Variants in AGBL1 observed in about 807,000 individuals in gnomAD.
AGBL1 encodes cytosolic carboxypeptidase 4.
In AGBL1, 130 loss-of-function variants were observed where a neutral mutation model predicts 118.9. That is an observed-to-expected ratio of 1.09 (90% CI 0.95 to 1.26). The LOEUF is 1.26. AGBL1 is among the 50% of genes most tolerant of loss of function. The pLI is 0.00. For synonymous variants in AGBL1, 555 were observed against 478.9 expected (o/e 1.16, Z -2.08); for missense variants, 1,584 against 1,298.1 (o/e 1.22, Z -3.38).
intron 22 of AGBL1, among the ~76,000 whole-genome samples, chr15:86,815,775 C>A (rs2078849865): frequency 6.6e-6 from 1 of 152,150 alleles, no homozygotes; most frequent in South Asian, 2.1e-4. Context: ...GTCCTCTCCT[C>A]TTCTACCTCC....
chr15:86,632,951 C>T (rs921497936), intron 21 of AGBL1, among the ~76,000 whole-genome samples: 1 of 152,024 alleles, frequency 6.6e-6, no homozygotes, highest in African/African-American at 2.4e-5. Context: ...AAAAAGCCTA[C>T]AAAAACACAA....
At chr15:86,383,993 G>A (rs1775930585) in intron 17 of AGBL1, among the ~76,000 whole-genome samples, 1 of 152,200 alleles carries the variant, frequency 6.6e-6, no homozygotes, top group Non-Finnish European at 1.5e-5. Flanking sequence ...TCTAAACCTA[G>A]TGAAATGTAA....
chr15:86,267,029 C>T lies in AGBL1; in HGVS notation c.1791C>T (p.Phe597=). The change falls in exon 13 of 23, where the codon TTC becomes TTT. Residue 597 remains phenylalanine, a synonymous_variant. Coordinates refer to ENST00000614907, the MANE Select transcript of AGBL1 (RefSeq NM_001386094.1). The stretch of plus-strand genomic sequence containing the variant: ...ATGCTTCCAATTGTTTACGGTTCTT[C>T]TCCAAATTTGAGTCAGGAAATCTTC... The part of the protein sequence containing the change: ...QDNASNCLRF[F]SKFESGNLRK... 6.4e-7 allele frequency: 1 copy of T among 1,571,498 alleles called. No individual in the cohort carries two copies. Among genetic ancestry groups the T allele is most frequent in the Non-Finnish European group, 8.6e-7 (1 of 1,156,952 alleles).
Position 86,526,573 on chromosome 15 carries a change from T to C in AGBL1, c.2685+3634T>C, listed in dbSNP as rs376211777. On this transcript the variant is annotated intron_variant, in intron 19 of 22. Coordinates refer to ENST00000614907, the MANE Select transcript of AGBL1 (RefSeq NM_001386094.1). ...ATATATATATATATATATATATATA[T>C]ACACACAGAGTATATATATGTATAT... Among the ~76,000 whole-genome samples the C allele has an allele frequency of 3.7e-3, 437 of 117,580 alleles. 3 individuals are homozygous for C. The highest frequency in any genetic ancestry group is 0.011 in the African/African-American group (308 of 28,482). The allele number at this position is 117,580 out of a possible 152,430, so 77.1% of individuals were successfully genotyped here.
At chr15:86,587,764 C>G (rs1567072087) in intron 21 of AGBL1, among the ~76,000 whole-genome samples, 4 of 152,112 alleles carry the variant, frequency 2.6e-5, no homozygotes, top group Non-Finnish European at 5.9e-5. Context: ...AGAAAGTGAC[C>G]AAGACAGGGA....
At chr15:86,684,459 C>G (rs894047586) in intron 22 of AGBL1, among the ~76,000 whole-genome samples, 8 of 43,678 alleles carry the variant, frequency 1.8e-4, no homozygotes, top group Non-Finnish European at 3.1e-4. Context: ...TAGCATAGTT[C>G]TCTCTTTTTT....
At chr15:86,429,067 C>T (rs925035650) in intron 18 of AGBL1, among the ~76,000 whole-genome samples, 26 of 152,196 alleles carry the variant, frequency 1.7e-4, no homozygotes, top group African/African-American at 6.0e-4. Context: ...TAGACAATAT[C>T]CTTTCCCTTC....
chr15:86,204,424 C>G (rs1165388017), intron 5 of AGBL1, among the ~76,000 whole-genome samples: 1 of 152,104 alleles, frequency 6.6e-6, no homozygotes, highest in African/African-American at 2.4e-5. Context: ...GAGCCCCCTA[C>G]CTGTTATCTG....
chr15:86,298,107 T>G (rs1332780861), intron 17 of AGBL1, among the ~76,000 whole-genome samples: 2 of 151,380 alleles, frequency 1.3e-5, no homozygotes, highest in Admixed American at 6.6e-5. Flanking sequence ...GAAAGAAAAT[T>G]CTTTCTGCCT....
At chr15:86,985,872 T>G (rs1356948531) in intron 23 of AGBL1, among the ~76,000 whole-genome samples, 1 of 152,182 alleles carries the variant, frequency 6.6e-6, no homozygotes, top group African/African-American at 2.4e-5. Context: ...GAGTTCGCTT[T>G]TGTATGCAAT....
chr15:86,633,044 C>T (rs913898784), intron 21 of AGBL1, among the ~76,000 whole-genome samples: 6 of 151,708 alleles, frequency 4.0e-5, no homozygotes, highest in South Asian at 2.1e-4. Context: ...AGACATAAGC[C>T]ATTCTTTATA....
intron 5 of AGBL1, among the ~76,000 whole-genome samples, chr15:86,220,418 G>A (rs1189902484): frequency 6.6e-6 from 1 of 152,104 alleles, no homozygotes; most frequent in East Asian, 1.9e-4. Context: ...TTGCTGCTTG[G>A]CATTTATAGG....
chr15:86,700,490 CACACACACACACACACACACAA>C (rs1417938586), intron 22 of AGBL1, among the ~76,000 whole-genome samples: 2 of 120,528 alleles, frequency 1.7e-5, no homozygotes, highest in Non-Finnish European at 1.7e-5. Context: ...CACACACACA[CACACACACACACACACACACAA>C]AATCTCTCTT....
At chr15:86,808,624 T>TTTCCTCCTTCCTTTTCTTTCC (rs2078748985) in intron 22 of AGBL1, among the ~76,000 whole-genome samples, 4 of 149,006 alleles carry the variant, frequency 2.7e-5, no homozygotes, top group African/African-American at 1.0e-4. Context: ...CTTCCCTTTC[T>TTTCCTCCTTCCTTTTCTTTCC]TTCCTCCTTC....
chr15:86,311,312 G>C (rs2079917486), intron 17 of AGBL1, among the ~76,000 whole-genome samples: 1 of 152,094 alleles, frequency 6.6e-6, no homozygotes, highest in Non-Finnish European at 1.5e-5. Flanking sequence ...TTACCCCCTT[G>C]ATCTTTCTAC....
At chr15:86,130,981 C>T (rs1003725029) in intron 1 of AGBL1, among the ~76,000 whole-genome samples, 6 of 152,166 alleles carry the variant, frequency 3.9e-5, no homozygotes, top group African/African-American at 1.4e-4. Flanking sequence ...ATTTGGTTGA[C>T]ATTTAATGCC....
intron 21 of AGBL1, among the ~76,000 whole-genome samples, chr15:86,581,933 A>G (rs2084177650): frequency 6.6e-6 from 1 of 152,216 alleles, no homozygotes; most frequent in Non-Finnish European, 1.5e-5. Flanking sequence ...TATGACAGGC[A>G]TGAGATCCTA....
chr15:86,223,084 C>T (rs1014822209), intron 5 of AGBL1, among the ~76,000 whole-genome samples: 1 of 152,166 alleles, frequency 6.6e-6, no homozygotes, highest in Non-Finnish European at 1.5e-5. Flanking sequence ...TAACCCATCC[C>T]TTCTTCCTCC....
At chr15:86,512,513 G>C (rs1163733165) in intron 18 of AGBL1, among the ~76,000 whole-genome samples, 1 of 151,144 alleles carries the variant, frequency 6.6e-6, no homozygotes, top group Non-Finnish European at 1.5e-5. Context: ...TTTTTTCCTT[G>C]GTAAGTCATA....
Sources: allele counts gnomAD v4.1 joint callset (sites outside exome capture counted in the v4.1 genomes callset), GRCh38; gene constraint gnomAD v4.1.1; transcripts MANE v1.5; gene names NCBI Gene and HGNC (gene_info 2026-07-23, HGNC 2026-07-21).